Variants in GOLGA5 observed in about 807,000 individuals in gnomAD.
GOLGA5 encodes golgin A5, also known as golgin subfamily A member 5.
In GOLGA5, 50 loss-of-function variants were observed where a neutral mutation model predicts 93.5. The ratio of observed to expected loss-of-function variants is 0.53; its 90% CI spans 0.43 to 0.68. GOLGA5 has a LOEUF of 0.68. Ranked by LOEUF, GOLGA5 falls within the 30% of genes least tolerant of loss-of-function variation. The pLI is 0.00. For missense variants in GOLGA5, 760 were observed against 856.4 expected (o/e 0.89, Z 1.40); for synonymous variants, 312 against 304.5 (o/e 1.02, Z -0.26).
chr14:92,794,824 C>T (rs939009713), intron 1 of GOLGA5, among the ~76,000 whole-genome samples: 1 of 152,216 alleles, frequency 6.6e-6, no homozygotes, highest in African/African-American at 2.4e-5. Flanking sequence ...CTCCCTCCCT[C>T]TGTGCTGACG....
Position 92,824,559 on chromosome 14 carries a change from T to C in GOLGA5, c.1634T>C (p.Ile545Thr), listed in dbSNP as rs764836988. The C allele has an allele frequency of 3.1e-6, 5 of 1,588,226 alleles. No homozygotes were observed. The highest frequency in any genetic ancestry group is 1.3e-5 in the African/African-American group (1 of 74,336). Residue 545 changes from isoleucine (I) to threonine (T), a missense_variant, in exon 9 of 13, where the codon ATA becomes ACA. Physicochemically the swap from Ile to Thr is moderately conservative, Grantham distance 89. Coordinates refer to ENST00000163416, the MANE Select transcript of GOLGA5 (RefSeq NM_005113.4). ...LERLKQEFHY[I>T]EEDLYRTKNT... ...CTCACTTTGCAGGAGTTCCACTATA[T>C]AGAAGAAGATCTTTATCGAACAAAG...
At chr14:92,833,778 T>C (rs17128613) in intron 10 of GOLGA5, among the ~76,000 whole-genome samples, 10,088 of 152,232 alleles carry the variant, frequency 0.066, 403 homozygotes, top group Middle Eastern at 0.12. Context: ...TAAAAAATAA[T>C]GTGTAAGATA....
chr14:92,832,802 G>A (rs545915697), intron 9 of GOLGA5, among the ~76,000 whole-genome samples: 4 of 152,258 alleles, frequency 2.6e-5, no homozygotes, highest in African/African-American at 4.8e-5. Context: ...AGTTTACATC[G>A]TGTCTCAGTA....
At chr14:92,822,633 G>A (rs1885338406) in intron 8 of GOLGA5, among the ~76,000 whole-genome samples, 1 of 152,086 alleles carries the variant, frequency 6.6e-6, no homozygotes, top group South Asian at 2.1e-4. Context: ...AGTTTGCATA[G>A]GGTTTTTATT....
chr14:92,799,499 GGC>G (rs1884816420), intron 2 of GOLGA5, among the ~76,000 whole-genome samples: 1 of 150,632 alleles, frequency 6.6e-6, no homozygotes, highest in African/African-American at 2.4e-5. Context: ...TTAGCCAGGA[GGC>G]TCTTGATCTC....
At chr14:92,802,418 C>T (rs539854572) in intron 2 of GOLGA5, among the ~76,000 whole-genome samples, 26 of 152,050 alleles carry the variant, frequency 1.7e-4, no homozygotes, top group Non-Finnish European at 3.2e-4. Context: ...AGATTTTCAA[C>T]AACACAATTA....
At chr14:92,801,563 G>T (rs1000786531) in intron 2 of GOLGA5, among the ~76,000 whole-genome samples, 2 of 151,472 alleles carry the variant, frequency 1.3e-5, no homozygotes, top group African/African-American at 2.4e-5. Flanking sequence ...TTTTACCTTG[G>T]TTTTTCCCCT....
intron 11 of GOLGA5, among the ~76,000 whole-genome samples, chr14:92,836,514 AG>A (rs1311401933): frequency 6.6e-6 from 1 of 152,164 alleles, no homozygotes; most frequent in African/African-American, 2.4e-5. Flanking sequence ...AGAAGCAGAA[AG>A]GGGTATTGCT....
At chr14:92,804,413 CA>C (rs1170302140) in intron 2 of GOLGA5, among the ~76,000 whole-genome samples, 1 of 151,580 alleles carries the variant, frequency 6.6e-6, no homozygotes, top group African/African-American at 2.4e-5. Context: ...TCAAACATAC[CA>C]AAATAGAACG....
At chr14:92,837,264 G>T in intron 11 of GOLGA5, 122 bp from the exon 12 acceptor site, 2 of 548,090 alleles carry the variant, frequency 3.6e-6, no homozygotes, top group South Asian at 3.0e-5. Context: ...TTCTTCTGTG[G>T]TAGCCACATA....
intron 5 of GOLGA5, 148 bp from the exon 6 acceptor site, chr14:92,811,403 A>G (rs539878862): frequency 1.6e-6 from 1 of 613,146 alleles, no homozygotes; most frequent in South Asian, 2.0e-5. Context: ...CCTATACTTT[A>G]GCTCCTAACA....
intron 9 of GOLGA5, among the ~76,000 whole-genome samples, chr14:92,831,140 G>A (rs1231552725): frequency 1.3e-5 from 2 of 152,208 alleles, no homozygotes; most frequent in Non-Finnish European, 1.5e-5. Context: ...AGGATGTGGT[G>A]CAGCTGGAAC....
At chr14:92,818,003 A>G (rs1445798875) in intron 7 of GOLGA5, among the ~76,000 whole-genome samples, 2 of 152,254 alleles carry the variant, frequency 1.3e-5, no homozygotes, top group African/African-American at 4.8e-5. Flanking sequence ...GTTATTCATT[A>G]AAGTAGGATT....
Position 92,797,407 on chromosome 14 carries a change from G to A in GOLGA5, c.-30-1G>A, listed in dbSNP as rs1223865135. The A allele has an allele frequency of 6.5e-7, 1 of 1,527,488 alleles. No individual in the cohort carries two copies. Among genetic ancestry groups the A allele is most frequent in the Admixed American group, 1.9e-5 (1 of 53,000 alleles). 94.6% of individuals were successfully genotyped at this position (1,527,488 alleles called of 1,614,324 possible). The stretch of plus-strand genomic sequence containing the variant: ...CTGATCATTTTATGTCCTTTTTACA[G>A]GTTTGCCAATAGGATTATCCTGCTG... On this transcript the variant is annotated splice_acceptor_variant, in intron 1 of 12. Transcript: ENST00000163416. LOFTEE classifies it low-confidence loss of function (5UTR_SPLICE).
At chr14:92,817,796 TTC>T (rs1885240574) in intron 7 of GOLGA5, among the ~76,000 whole-genome samples, 1 of 152,246 alleles carries the variant, frequency 6.6e-6, no homozygotes, top group Non-Finnish European at 1.5e-5. Context: ...CGTGGATAGA[TTC>T]TGTCTTTGGT....
At chr14:92,795,679 A>G (rs931387579) in intron 1 of GOLGA5, among the ~76,000 whole-genome samples, 1 of 152,122 alleles carries the variant, frequency 6.6e-6, no homozygotes, top group Non-Finnish European at 1.5e-5. Flanking sequence ...CAAAACAGAC[A>G]TAATCTTTAT....
intron 2 of GOLGA5, among the ~76,000 whole-genome samples, chr14:92,805,045 A>G (rs1353487720): frequency 1.3e-5 from 2 of 152,196 alleles, no homozygotes; most frequent in African/African-American, 4.8e-5. Flanking sequence ...AAATGTACAT[A>G]TATTAAGATG....
At chr14:92,832,661 A>G (rs1310455623) in intron 9 of GOLGA5, among the ~76,000 whole-genome samples, 1 of 152,218 alleles carries the variant, frequency 6.6e-6, no homozygotes, top group Non-Finnish European at 1.5e-5. Context: ...AAAACCTCAG[A>G]GTGTGATCTT....
rs376134456 is a variant in GOLGA5 at position 92,819,769 on chromosome 14, A to G, written c.1553A>G (p.His518Arg). 2.5e-6 allele frequency: 4 copies of G among 1,613,734 alleles called. No individual in the cohort carries two copies. The highest frequency in any genetic ancestry group is 2.7e-5 in the African/African-American group (2 of 74,940). Residue 518 changes from histidine (H) to arginine (R), a missense_variant, in exon 8 of 13, where the codon CAT becomes CGT. Physicochemically the swap from His to Arg is conservative, Grantham distance 29. Transcript: ENST00000163416. Reference protein sequence around the residue: ...ESAREQLQDLHDQIAGQKASK... With the variant: ...ESAREQLQDLRDQIAGQKASK... ...GCAAGAGAACAGTTACAGGATCTGCATGACCAAATAGCTGGGCAGAAAGCA... is the reference window on the plus strand; with the variant it reads ...GCAAGAGAACAGTTACAGGATCTGCGTGACCAAATAGCTGGGCAGAAAGCA...
Sources: allele counts gnomAD v4.1 joint callset (sites outside exome capture counted in the v4.1 genomes callset), GRCh38; gene constraint gnomAD v4.1.1; transcripts MANE v1.5; gene names NCBI Gene and HGNC (gene_info 2026-07-23, HGNC 2026-07-21).